The following SMC1A variants were observed in gnomAD, a reference collection of about 807,000 sequenced individuals.
SMC1A encodes the protein structural maintenance of chromosomes protein 1A.
Under a neutral mutation model 94.5 loss-of-function variants are expected in SMC1A, and 4 were observed. The observed-to-expected ratio is 0.04, with a 90% CI of 0.02 to 0.10. The LOEUF (loss-of-function observed/expected upper bound fraction) is 0.10, where lower values mean the gene tolerates loss of function less well. Among genes scored for constraint, SMC1A ranks in the 10% least tolerant of loss-of-function variants. SMC1A has a pLI of 1.00. For synonymous variants in SMC1A, 345 were observed against 347.7 expected, an observed-to-expected ratio of 0.99 and a Z score of 0.09; for missense variants, 304 against 989.0, an observed-to-expected ratio of 0.31 and a Z score of 9.29.
At position 53,392,129 on chromosome X, in the gene SMC1A, G is replaced by A. The variant is rs369711720; in HGVS notation, c.2973+2649C>T. On this transcript the variant is annotated intron_variant, in intron 19 of 24. Coordinates refer to ENST00000322213, the MANE Select transcript of SMC1A (RefSeq NM_006306.4). ...TCCACGGCCGGGCACAGTGGCTCAC[G>A]CCTGTAATCCCAGCACTTTGGGAGG... 9.0e-5 allele frequency among the ~76,000 whole-genome samples: 10 copies of A among 111,230 alleles called. No individual in the cohort carries two copies. In the East Asian group the frequency reaches 2.3e-3, roughly 25 times the overall value.
At chrX:53,405,415 G>C (rs943397586) in intron 11 of SMC1A, 24 bp from the exon 12 acceptor site, 24 of 1,209,817 alleles carry the variant, frequency 2.0e-5, no homozygotes, top group Non-Finnish European at 2.7e-5. Context: ...GGGGAAGAGA[G>C]AAGAGGGGGA....
At chrX:53,392,220 C>T (rs2075632240) in intron 19 of SMC1A, among the ~76,000 whole-genome samples, 1 of 109,117 alleles carries the variant, frequency 9.2e-6, no homozygotes, top group African/African-American at 3.3e-5. Context: ...GAAACCCCGT[C>T]TCTACTAAAA....
rs185253572 is a variant in SMC1A at position 53,391,854 on chromosome X, G to A, written c.2973+2924C>T. ...ATTGACATTTTGGGTCAGGTAATTCGTTGCTGTAGGGATTGTCCTGAGCAC... is the reference window on the plus strand; with the variant it reads ...ATTGACATTTTGGGTCAGGTAATTCATTGCTGTAGGGATTGTCCTGAGCAC... On this transcript the variant is annotated intron_variant, in intron 19 of 24. Coordinates refer to ENST00000322213, the MANE Select transcript of SMC1A (RefSeq NM_006306.4). 3.6e-5 allele frequency among the ~76,000 whole-genome samples: 4 copies of A among 110,565 alleles called. No homozygotes were observed. The East Asian group carries it at 8.5e-4, about 24-fold the overall frequency.
intron 5 of SMC1A, among the ~76,000 whole-genome samples, chrX:53,412,582 G>T (rs1416444364): frequency 9.0e-6 from 1 of 111,550 alleles, no homozygotes; most frequent in African/African-American, 3.3e-5. Context: ...TAAACTTCTA[G>T]CTTCAGTTTC....
At chrX:53,383,546 CCT>C (rs2075593329) in intron 19 of SMC1A, among the ~76,000 whole-genome samples, 1 of 112,346 alleles carries the variant, frequency 8.9e-6, no homozygotes, top group African/African-American at 3.2e-5. Flanking sequence ...TGGTGGTGCC[CCT>C]CTCTGGCTCT....
At chrX:53,394,729 ACTC>A in intron 19 of SMC1A, 46 bp downstream of exon 19, 1 of 576,000 alleles carries the variant, frequency 1.7e-6, no homozygotes, top group Non-Finnish European at 2.9e-6. Context: ...AGATAGTCCC[ACTC>A]CCACCCAACC....
chrX:53,414,093 A>C (rs1445294630), intron 3 of SMC1A, among the ~76,000 whole-genome samples: 6 of 96,549 alleles, frequency 6.2e-5, no homozygotes, highest in African/African-American at 1.5e-4. Flanking sequence ...AAAAAAAAAA[A>C]CAAGAACAAA....
intron 19 of SMC1A, among the ~76,000 whole-genome samples, chrX:53,388,451 G>GT (rs1185167571): frequency 9.1e-6 from 1 of 109,463 alleles, no homozygotes; most frequent in African/African-American, 3.3e-5. Context: ...TTTTTCAATT[G>GT]TAAATTTTAG....
intron 20 of SMC1A, 62 bp from the exon 21 acceptor site, chrX:53,382,722 A>G (rs2075589383): frequency 8.6e-7 from 1 of 1,163,053 alleles, no homozygotes; most frequent in Non-Finnish European, 1.2e-6. Context: ...GCAAATGACA[A>G]TCCAGAGCAG....
At chrX:53,422,041 C>T in intron 1 of SMC1A, 1 of 1,209,063 alleles carries the variant, frequency 8.3e-7, no homozygotes, top group Non-Finnish European at 1.1e-6. Context: ...GGACGCTGGG[C>T]TGAAACAGAA....
chrX:53,412,992 C>T lies in SMC1A; in HGVS notation c.762G>A (p.Lys254=). 8.3e-7 allele frequency: 1 copy of T among 1,204,272 alleles called. No homozygotes were observed. Among genetic ancestry groups the T allele is most frequent in the Non-Finnish European group, 1.1e-6 (1 of 888,980 alleles). ...GTTCATCCTCCACCTTGTCCATACG[C>T]TTCTTGTCCTTCTCGATCTCCTTGT... is the stretch of plus-strand genomic sequence containing the variant. ...SKNKEIEKDK[K]RMDKVEDELK... The change falls in exon 5 of 25, where the codon AAG becomes AAA. Residue 254 remains lysine (K), a synonymous_variant. Transcript: ENST00000322213.
Position 53,410,926 on chromosome X carries a change from C to CAAA in SMC1A, c.1254+832_1254+834dup, listed in dbSNP as rs56669032. Reference sequence around the variant, plus strand: ...TGGGCAACAGAGTGAGGCTTTGTCTCAAAAAAAAAAAAAAAAAAAGTAGCC... The same window carrying CAAA: ...TGGGCAACAGAGTGAGGCTTTGTCTCAAAAAAAAAAAAAAAAAAAAAAGTAGCC... On this transcript the variant is annotated intron_variant, in intron 7 of 24. Coordinates refer to ENST00000322213, the MANE Select transcript of SMC1A (RefSeq NM_006306.4). Among the ~76,000 whole-genome samples, 149 of 28,815 alleles carry CAAA rather than the reference C, an allele frequency of 5.2e-3. 25 individuals are homozygous for CAAA. Among genetic ancestry groups the CAAA allele is most frequent in the African/African-American group, 0.025 (135 of 5,357 alleles). The allele number at this position is 28,815 out of a possible 115,157, so 25.0% of individuals were successfully genotyped here. A position where few individuals can be genotyped will look rare whatever the true frequency, so the allele number is the denominator to read the frequency against.
At position 53,409,106 on chromosome X, in the gene SMC1A, C is replaced by T; in HGVS notation, c.1501G>A (p.Ala501Thr). Residue 501 changes from alanine to threonine, a missense_variant, in exon 9 of 25, where the codon GCA becomes ACA. Ala to Thr is a moderately conservative substitution (Grantham distance 58). Coordinates refer to ENST00000322213, the MANE Select transcript of SMC1A (RefSeq NM_006306.4). ...RQESSRQQRKAEIMESIKRLY... is the reference protein window; with the variant it reads ...RQESSRQQRKTEIMESIKRLY... ...CGCTTGATGCTTTCCATTATCTCTG[C>T]CTTTCGCTGCTGGCGGCTGCTCTCC... The T allele has an allele frequency of 8.3e-7, 1 of 1,211,587 alleles. No homozygotes were observed. Among genetic ancestry groups the T allele is most frequent in the Non-Finnish European group, 1.1e-6 (1 of 895,551 alleles).
chrX:53,389,842 C>CTTTTTTTTTT (rs1193457348), intron 19 of SMC1A, among the ~76,000 whole-genome samples: 5 of 55,097 alleles, frequency 9.1e-5, no homozygotes, highest in Non-Finnish European at 1.3e-4. Context: ...TCCAGAATTT[C>CTTTTTTTTTT]TTTTTTTTTT....
intron 19 of SMC1A, among the ~76,000 whole-genome samples, chrX:53,384,881 G>T (rs1447427107): frequency 7.2e-5 from 8 of 110,430 alleles, no homozygotes; most frequent in African/African-American, 2.6e-4. Flanking sequence ...GGAGATCGAG[G>T]CTGCAGTGAA....
At position 53,411,884 on chromosome X, in the gene SMC1A, C is replaced by T. The variant is rs781854480; in HGVS notation, c.1131G>A (p.Arg377=). The change falls in exon 7 of 25, where the codon CGG becomes CGA. Residue 377 remains arginine, a synonymous_variant. Coordinates refer to ENST00000322213, the MANE Select transcript of SMC1A (RefSeq NM_006306.4). ...CTCTCTTGCTGGCTTCTTCTTTCAA[C>T]CGGTGGTATTTCTTCACCTGTGTTA... ...LEENQVKKYH[R]LKEEASKRAA... 3 of 1,211,631 alleles carry T rather than the reference C, an allele frequency of 2.5e-6. No homozygotes were observed. The South Asian group carries it at 5.3e-5, about 21-fold the overall frequency.
chrX:53,385,521 G>A (rs966872148), intron 19 of SMC1A, among the ~76,000 whole-genome samples: 10 of 109,369 alleles, frequency 9.1e-5, no homozygotes, highest in African/African-American at 2.7e-4. Context: ...TGATCCGCCC[G>A]CCTAGGCCTC....
At chrX:53,411,953 A>C (rs2075714758) in intron 6 of SMC1A, 42 bp downstream of exon 6, 1 of 1,211,386 alleles carries the variant, frequency 8.3e-7, no homozygotes, top group Non-Finnish European at 1.1e-6. Context: ...AGCAGATGTC[A>C]GCCCAGGGAT....
rs782146571 is a variant in SMC1A at position 53,396,251 on chromosome X, G to A, written c.2838C>T (p.Thr946=). ...QDIKLPLSKG[T]MDDISQEEGS... is the part of the protein sequence containing the mutation. ...CCTCTTCCTGACTAATATCATCCAT[G>A]GTGCCTTTTGACAGTGGCAACTTAA... Residue 946 remains threonine (T), a synonymous_variant, in exon 18 of 25, where the codon ACC becomes ACT. Transcript: ENST00000322213. 11 of 1,209,000 alleles carry A rather than the reference G, an allele frequency of 9.1e-6. No individual in the cohort carries two copies. The highest frequency in any genetic ancestry group is 1.1e-5 in the Non-Finnish European group (10 of 894,929).
Sources: gnomAD v4.1 joint callset for allele counts (sites outside exome capture counted in the v4.1 genomes callset) on GRCh38, gnomAD v4.1.1 for gene constraint, MANE v1.5 for transcripts, NCBI Gene and HGNC (gene_info 2026-07-23, HGNC 2026-07-21) for gene names.